Variants in SPOCK3 observed in about 807,000 individuals in gnomAD.
The protein encoded by SPOCK3 is SPARC (osteonectin), cwcv and kazal like domains proteoglycan 3.
In SPOCK3, 30 loss-of-function variants were observed where a neutral mutation model predicts 56.6. That is an observed-to-expected ratio of 0.53 (90% confidence interval 0.40 to 0.72). The LOEUF (loss-of-function observed/expected upper bound fraction) is 0.72. Ranked by LOEUF, SPOCK3 falls within the 30% of genes least tolerant of loss-of-function variation. The pLI is 0.00. For missense variants in SPOCK3, 527 were observed against 530.0 expected, an observed-to-expected ratio of 0.99 and a Z score of 0.06; for synonymous variants, 196 against 183.3, an observed-to-expected ratio of 1.07 and a Z score of -0.56.
At chr4:167,197,897 C>T (rs1438487895) in intron 2 of SPOCK3, among the ~76,000 whole-genome samples, 2 of 152,134 alleles carry the variant, frequency 1.3e-5, no homozygotes, top group African/African-American at 4.8e-5. Flanking sequence ...GCAGAAGACA[C>T]CTCATTCTCT....
intron 3 of SPOCK3, among the ~76,000 whole-genome samples, chr4:167,058,564 G>T (rs1457898112): frequency 2.0e-5 from 3 of 152,126 alleles, no homozygotes; most frequent in Non-Finnish European, 2.9e-5. Context: ...TCATGAAAAT[G>T]GCCATACTGC....
intron 3 of SPOCK3, among the ~76,000 whole-genome samples, chr4:167,053,065 G>A (rs1457232608): frequency 1.3e-5 from 2 of 152,112 alleles, no homozygotes; most frequent in Non-Finnish European, 2.9e-5. Context: ...GGACATATCA[G>A]GCTGTGAATG....
At chr4:166,823,721 A>G (rs2126769395) in intron 6 of SPOCK3, among the ~76,000 whole-genome samples, 1 of 152,118 alleles carries the variant, frequency 6.6e-6, no homozygotes, top group South Asian at 2.1e-4. Flanking sequence ...CCCCAACTCA[A>G]TGGTGTTATG....
intron 4 of SPOCK3, among the ~76,000 whole-genome samples, chr4:166,920,758 A>G (rs965184521): frequency 1.3e-5 from 2 of 152,152 alleles, no homozygotes; most frequent in Non-Finnish European, 2.9e-5. Context: ...ATATTGTTTG[A>G]CTATTGAAAA....
chr4:166,948,825 A>T (rs1381339433), intron 4 of SPOCK3, among the ~76,000 whole-genome samples: 2 of 151,640 alleles, frequency 1.3e-5, no homozygotes, highest in African/African-American at 4.8e-5. Flanking sequence ...TGTGTCTTGG[A>T]GTTGCTCTTC....
chr4:166,748,733 T>C (rs7686076), intron 8 of SPOCK3, among the ~76,000 whole-genome samples: 97,279 of 135,148 alleles, frequency 0.72, 40,058 homozygotes, highest in South Asian at 0.78. Flanking sequence ...TTGCAATCTA[T>C]TCATCTGACA....
At chr4:166,985,887 A>G (rs1050849719) in intron 4 of SPOCK3, among the ~76,000 whole-genome samples, 3 of 152,172 alleles carry the variant, frequency 2.0e-5, no homozygotes, top group Non-Finnish European at 4.4e-5. Context: ...GTACATCCAA[A>G]CAAACGTAAC....
intron 3 of SPOCK3, among the ~76,000 whole-genome samples, chr4:167,007,696 A>G (rs971665754): frequency 1.3e-5 from 2 of 152,218 alleles, no homozygotes; most frequent in African/African-American, 4.8e-5. Flanking sequence ...CTGTGGCAAG[A>G]AAAGTATTGA....
intron 6 of SPOCK3, among the ~76,000 whole-genome samples, chr4:166,803,909 G>C (rs1742878098): frequency 1.3e-5 from 2 of 152,004 alleles, no homozygotes; most frequent in South Asian, 4.1e-4. Context: ...CTGTAGAGTT[G>C]GTCAGAGAAA....
chr4:166,780,818 T>G (rs950441053), intron 7 of SPOCK3, among the ~76,000 whole-genome samples: 17 of 152,074 alleles, frequency 1.1e-4, no homozygotes, highest in Non-Finnish European at 1.5e-5. Context: ...GCTTAAGAAG[T>G]GCCAACCTTC....
At chr4:166,982,767 A>AC (rs1235973002) in intron 4 of SPOCK3, among the ~76,000 whole-genome samples, 1 of 152,186 alleles carries the variant, frequency 6.6e-6, no homozygotes, top group Non-Finnish European at 1.5e-5. Context: ...ATGAGTAGAA[A>AC]CATAACATGT....
chr4:166,969,029 G>T (rs988299701), intron 4 of SPOCK3, among the ~76,000 whole-genome samples: 3 of 152,168 alleles, frequency 2.0e-5, no homozygotes, highest in East Asian at 1.9e-4. Context: ...TTTAATGACT[G>T]CCCTGCTGCA....
Position 167,189,496 on chromosome 4 carries a change from G to T in SPOCK3, c.189+44489C>A, listed in dbSNP as rs1426283599. Reference sequence around the variant, plus strand: ...ATTATTTTTTTCCAGCTTTATTGAGGTACAATAAATAAAAATTGTATGTTT... The same window carrying T: ...ATTATTTTTTTCCAGCTTTATTGAGTTACAATAAATAAAAATTGTATGTTT... On this transcript the variant is annotated intron_variant, in intron 2 of 10. Transcript: ENST00000357545. Among the ~76,000 whole-genome samples, 6 of 144,988 alleles carry T rather than the reference G, an allele frequency of 4.1e-5. 1 individual carries two copies. Among genetic ancestry groups the T allele is most frequent in the Non-Finnish European group, 9.0e-5 (6 of 66,672 alleles).
At chr4:166,767,252 G>T (rs1209472676) in intron 7 of SPOCK3, among the ~76,000 whole-genome samples, 1 of 152,032 alleles carries the variant, frequency 6.6e-6, no homozygotes, top group Non-Finnish European at 1.5e-5. Context: ...GTTTGCTCTT[G>T]CCTCTCTAGT....
chr4:167,027,675 CAGTAA>C (rs1417230665), intron 3 of SPOCK3, among the ~76,000 whole-genome samples: 4 of 151,914 alleles, frequency 2.6e-5, no homozygotes, highest in Non-Finnish European at 4.4e-5. Flanking sequence ...TATATTTCTA[CAGTAA>C]AGTAAGCTAG....
intron 3 of SPOCK3, among the ~76,000 whole-genome samples, chr4:167,024,089 G>C (rs1371994475): frequency 1.3e-5 from 2 of 151,954 alleles, no homozygotes; most frequent in Admixed American, 6.6e-5. Flanking sequence ...AATTGCCTGG[G>C]TTCCCTGCAT....
At chr4:167,074,694 T>C (rs79899364) in intron 2 of SPOCK3, among the ~76,000 whole-genome samples, 1,933 of 152,036 alleles carry the variant, frequency 0.013, 31 homozygotes, top group African/African-American at 0.041. Flanking sequence ...AATACCAGAA[T>C]GTAGGGATCA....
chr4:167,135,685 G>GTGTGTGTGTA (rs1421778530), intron 2 of SPOCK3, among the ~76,000 whole-genome samples: 4 of 12,710 alleles, frequency 3.1e-4, no homozygotes, highest in African/African-American at 5.1e-4. Flanking sequence ...TAAAACGTGT[G>GTGTGTGTGTA]TGTGTGTGTG....
chr4:166,786,386 A>G (rs1328867817), intron 7 of SPOCK3, among the ~76,000 whole-genome samples: 4 of 152,176 alleles, frequency 2.6e-5, no homozygotes, highest in Non-Finnish European at 5.9e-5. Flanking sequence ...TATGATTAGG[A>G]AACAAATGAA....
Sources: allele counts gnomAD v4.1 joint callset (sites outside exome capture counted in the v4.1 genomes callset), GRCh38; gene constraint gnomAD v4.1.1; transcripts MANE v1.5; gene names NCBI Gene and HGNC (gene_info 2026-07-23, HGNC 2026-07-21).